MAGI2: variants seen among roughly 807,000 people sequenced by gnomAD.
The protein encoded by MAGI2 is membrane-associated guanylate kinase, WW and PDZ domain-containing protein 2.
MAGI2 carries 35 observed loss-of-function variants against 133.3 expected under a neutral mutation model. The ratio of observed to expected loss-of-function variants is 0.26; its 90% CI spans 0.20 to 0.35. MAGI2 has a LOEUF of 0.35. Among genes scored for constraint, MAGI2 ranks in the 10% least tolerant of loss-of-function variants. The pLI is 1.00. For synonymous variants in MAGI2, 729 were observed against 710.6 expected (o/e 1.03, Z -0.41); for missense variants, 1,636 against 1,863.4 (o/e 0.88, Z 2.25).
At chr7:79,299,718 T>G (rs1475780625) in intron 1 of MAGI2, among the ~76,000 whole-genome samples, 1 of 152,118 alleles carries the variant, frequency 6.6e-6, no homozygotes, top group East Asian at 1.9e-4. Context: ...TTTGGATATT[T>G]GTTCCCACCC....
chr7:78,579,827 T>C (rs1366155105), intron 3 of MAGI2, among the ~76,000 whole-genome samples: 2 of 152,068 alleles, frequency 1.3e-5, no homozygotes, highest in Non-Finnish European at 2.9e-5. Flanking sequence ...GGATCCATTC[T>C]AACTAAGAAC....
chr7:79,297,274 A>G (rs1237630670), intron 1 of MAGI2, among the ~76,000 whole-genome samples: 1 of 152,232 alleles, frequency 6.6e-6, no homozygotes, highest in Non-Finnish European at 1.5e-5. Flanking sequence ...AAACTATGAT[A>G]TTAAAATACT....
At chr7:78,514,339 A>T (rs1795863326) in intron 4 of MAGI2, among the ~76,000 whole-genome samples, 1 of 151,912 alleles carries the variant, frequency 6.6e-6, no homozygotes, top group African/African-American at 2.4e-5. Context: ...AAGTGATATC[A>T]TTACTTTTTA....
chr7:78,054,494 C>T (rs895156309), intron 21 of MAGI2, among the ~76,000 whole-genome samples: 7 of 152,042 alleles, frequency 4.6e-5, no homozygotes, highest in Non-Finnish European at 1.0e-4. Flanking sequence ...TAAAAAGCCT[C>T]CATCTCACTC....
intron 6 of MAGI2, among the ~76,000 whole-genome samples, chr7:78,383,228 A>C (rs1300438510): frequency 2.0e-5 from 3 of 152,146 alleles, no homozygotes; most frequent in African/African-American, 7.2e-5. Flanking sequence ...CATTGCCACC[A>C]ACAGTGTACA....
intron 1 of MAGI2, among the ~76,000 whole-genome samples, chr7:79,053,272 T>A (rs181018499): frequency 6.6e-6 from 1 of 152,184 alleles, no homozygotes; most frequent in Non-Finnish European, 1.5e-5. Context: ...CCCACCCGGC[T>A]GCTATTCTTA....
chr7:78,128,024 C>T (rs6466041), intron 18 of MAGI2, among the ~76,000 whole-genome samples: 130,354 of 152,164 alleles, frequency 0.86, 56,225 homozygotes, highest in African/African-American at 0.91. Context: ...AGTCATTGGA[C>T]CATTGGTAAA....
At chr7:79,094,349 C>A (rs1817341223) in intron 1 of MAGI2, among the ~76,000 whole-genome samples, 1 of 152,216 alleles carries the variant, frequency 6.6e-6, no homozygotes, top group Non-Finnish European at 1.5e-5. Context: ...GTCTCCACTT[C>A]TAATTCTAGT....
At chr7:79,225,084 A>G (rs1455184922) in intron 1 of MAGI2, among the ~76,000 whole-genome samples, 1 of 152,142 alleles carries the variant, frequency 6.6e-6, no homozygotes, top group East Asian at 1.9e-4. Context: ...CTTACCTTTA[A>G]GACCTCAACC....
intron 9 of MAGI2, among the ~76,000 whole-genome samples, chr7:78,295,452 T>G (rs1284297121): frequency 1.3e-5 from 2 of 152,184 alleles, no homozygotes; most frequent in Non-Finnish European, 2.9e-5. Context: ...CTATTAAGTT[T>G]AAAAGAATCT....
chr7:78,594,041 T>C (rs1804329402), intron 3 of MAGI2, among the ~76,000 whole-genome samples: 1 of 152,186 alleles, frequency 6.6e-6, no homozygotes, highest in African/African-American at 2.4e-5. Flanking sequence ...TCACAGATGT[T>C]TGGTAGTGCC....
chr7:79,001,390 C>G (rs755091749), intron 2 of MAGI2, among the ~76,000 whole-genome samples: 6 of 152,150 alleles, frequency 3.9e-5, no homozygotes, highest in Non-Finnish European at 8.8e-5. Context: ...TTTTAACCAC[C>G]TTCCTTTTCA....
intron 1 of MAGI2, among the ~76,000 whole-genome samples, chr7:79,097,461 G>A (rs753113072): frequency 1.3e-5 from 2 of 152,178 alleles, no homozygotes; most frequent in Non-Finnish European, 2.9e-5. Context: ...AAAGCTTCCT[G>A]CTGGAGGATC....
chr7:78,200,358 C>T (rs1829127639), intron 11 of MAGI2, among the ~76,000 whole-genome samples: 1 of 152,220 alleles, frequency 6.6e-6, no homozygotes, highest in Non-Finnish European at 1.5e-5. Flanking sequence ...GCTAAGCCAA[C>T]TTGGCTAGCC....
intron 14 of MAGI2, among the ~76,000 whole-genome samples, chr7:78,174,561 T>C (rs1158989872): frequency 6.6e-6 from 1 of 152,252 alleles, no homozygotes; most frequent in East Asian, 1.9e-4. Context: ...TAATTTGGTC[T>C]CAGCCCAAAG....
intron 1 of MAGI2, among the ~76,000 whole-genome samples, chr7:79,021,787 G>A (rs536689353): frequency 1.5e-4 from 23 of 152,280 alleles, no homozygotes; most frequent in Non-Finnish European, 2.6e-4. Flanking sequence ...ATTGTGTTTT[G>A]AAATGTGAGG....
chr7:78,694,742 A>G (rs1416156082), intron 2 of MAGI2, among the ~76,000 whole-genome samples: 1 of 152,196 alleles, frequency 6.6e-6, no homozygotes, highest in Non-Finnish European at 1.5e-5. Context: ...CATAGCTTAT[A>G]AAGGCCAATA....
chr7:79,138,930 C>T (rs1470626369), intron 1 of MAGI2, among the ~76,000 whole-genome samples: 1 of 135,014 alleles, frequency 7.4e-6, no homozygotes, highest in African/African-American at 2.8e-5. Flanking sequence ...GAGCCAAGAT[C>T]ACAGCACTGC....
At chr7:79,041,784 G>T (rs1253219793) in intron 1 of MAGI2, among the ~76,000 whole-genome samples, 1 of 152,022 alleles carries the variant, frequency 6.6e-6, no homozygotes, top group African/African-American at 2.4e-5. Context: ...AATGTGGCTG[G>T]CATAATTAAA....
Sources: allele counts gnomAD v4.1 joint callset (sites outside exome capture counted in the v4.1 genomes callset), GRCh38; gene constraint gnomAD v4.1.1; transcripts MANE v1.5; gene names NCBI Gene and HGNC (gene_info 2026-07-23, HGNC 2026-07-21).